SCLT1: variants seen among roughly 807,000 people sequenced by gnomAD.
The protein encoded by SCLT1 is sodium channel and clathrin linker 1.
Under a neutral mutation model 112.8 loss-of-function variants are expected in SCLT1, and 78 were observed. The ratio of observed to expected loss-of-function variants is 0.69; its 90% CI spans 0.58 to 0.83. The LOEUF (loss-of-function observed/expected upper bound fraction) is 0.83, where lower values mean the gene tolerates loss of function less well. SCLT1 is among the 40% of genes least tolerant of loss of function. The pLI, the probability that SCLT1 is intolerant of heterozygous loss-of-function variation, is 0.00. For synonymous variants in SCLT1, 257 were observed against 254.7 expected (o/e 1.01, Z -0.09); for missense variants, 747 against 770.4 (o/e 0.97, Z 0.36).
chr4:128,922,209 CT>C (rs1735939059), intron 18 of SCLT1, among the ~76,000 whole-genome samples: 1 of 152,190 alleles, frequency 6.6e-6, no homozygotes, highest in Admixed American at 6.5e-5. Context: ...AAAATGGAAA[CT>C]AGTTCAGCCA....
At chr4:128,948,413 G>C in intron 15 of SCLT1, 83 bp downstream of exon 15, 1 of 1,469,822 alleles carries the variant, frequency 6.8e-7, no homozygotes, top group Non-Finnish European at 9.0e-7. Context: ...GGAATTGCTA[G>C]TAGATGGCAT....
chr4:129,081,476 C>A (rs1751932040), intron 2 of SCLT1, among the ~76,000 whole-genome samples: 1 of 152,164 alleles, frequency 6.6e-6, no homozygotes, highest in Non-Finnish European at 1.5e-5. Context: ...GGAAGCATGG[C>A]TTGGGAAGCC....
At chr4:128,966,153 T>A (rs1019515026) in intron 10 of SCLT1, among the ~76,000 whole-genome samples, 1 of 141,122 alleles carries the variant, frequency 7.1e-6, no homozygotes, top group African/African-American at 2.6e-5. Context: ...TTTTTTTTTT[T>A]AGAGTCTTGT....
At chr4:128,928,730 G>A (rs1253273102) in intron 18 of SCLT1, among the ~76,000 whole-genome samples, 10 of 152,072 alleles carry the variant, frequency 6.6e-5, no homozygotes, top group African/African-American at 2.2e-4. Flanking sequence ...TACTTGGGAG[G>A]CTGAGGCAGG....
At chr4:129,017,508 C>G (rs1745095126) in intron 5 of SCLT1, among the ~76,000 whole-genome samples, 1 of 151,656 alleles carries the variant, frequency 6.6e-6, no homozygotes, top group African/African-American at 2.4e-5. Context: ...CAGTTAAGTA[C>G]CCTAAAGGTT....
chr4:129,033,965 G>A (rs189485488), intron 5 of SCLT1, among the ~76,000 whole-genome samples: 19 of 152,232 alleles, frequency 1.2e-4, no homozygotes, highest in South Asian at 4.1e-4. Flanking sequence ...GGATTCTGGC[G>A]GGCTTTGGGG....
rs141954992 is a variant in SCLT1, at chr4:128,920,673, A to C, written c.1829+15982T>G. On this transcript the variant is annotated intron_variant, in intron 18 of 20. Coordinates refer to ENST00000281142, the MANE Select transcript of SCLT1 (RefSeq NM_144643.4). ...TGAATGAACATATCTCAAAATGATA[A>C]AAGCCATATATGATAGACCCACAGA... Among the ~76,000 whole-genome samples the C allele has an allele frequency of 2.3e-3, 344 of 152,322 alleles. 8 individuals carry two copies. In the East Asian group the frequency reaches 0.055, roughly 25 times the overall value.
intron 18 of SCLT1, among the ~76,000 whole-genome samples, chr4:128,905,523 A>G (rs950698719): frequency 1.9e-4 from 1 of 5,136 alleles, no homozygotes. Context: ...TGCACTTTAG[A>G]CTTTTTTTTA....
At chr4:128,976,432 T>C (rs113737733) in intron 9 of SCLT1, among the ~76,000 whole-genome samples, 7 of 152,342 alleles carry the variant, frequency 4.6e-5, no homozygotes, top group African/African-American at 1.4e-4. Flanking sequence ...TAATTCATAA[T>C]CTATTATTGA....
In SCLT1 at chr4:129,040,099, T is replaced by C. The variant is rs1057355863; in HGVS notation, c.235-1003A>G. On this transcript the variant is annotated intron_variant, in intron 4 of 20. Coordinates refer to ENST00000281142, the MANE Select transcript of SCLT1 (RefSeq NM_144643.4). ...GGAACAGGCAGTTCTGCCAGCCTTTTTCTCTCTCTTTCAACCGAGAAGATC... is the reference window on the plus strand; with the variant it reads ...GGAACAGGCAGTTCTGCCAGCCTTTCTCTCTCTCTTTCAACCGAGAAGATC... 1.0e-5 allele frequency: 7 copies of C among 684,774 alleles called. No homozygotes were observed. In the African/African-American group the frequency reaches 1.2e-4, roughly 12 times the overall value. The allele number at this position is 684,774 out of a possible 1,614,324, so 42.4% of individuals were successfully genotyped here.
At chr4:128,906,218 AAC>A (rs1178461473) in intron 18 of SCLT1, among the ~76,000 whole-genome samples, 1 of 151,936 alleles carries the variant, frequency 6.6e-6, no homozygotes, top group African/African-American at 2.4e-5. Context: ...TTTTTTTTGA[AAC>A]AGAGTCTCGC....
chr4:128,897,478 G>C (rs1249190101), intron 18 of SCLT1, among the ~76,000 whole-genome samples: 1 of 102,644 alleles, frequency 9.7e-6, no homozygotes, highest in African/African-American at 4.2e-5. Context: ...AATGCTGAGA[G>C]ATTTTGTCAC....
At chr4:129,009,929 G>C (rs989015429) in intron 5 of SCLT1, among the ~76,000 whole-genome samples, 1 of 152,126 alleles carries the variant, frequency 6.6e-6, no homozygotes, top group Non-Finnish European at 1.5e-5. Flanking sequence ...TTCTTTTGCT[G>C]TGCAGGAGCT....
At chr4:128,913,326 A>G (rs1323352781) in intron 18 of SCLT1, among the ~76,000 whole-genome samples, 1 of 152,236 alleles carries the variant, frequency 6.6e-6, no homozygotes, top group East Asian at 1.9e-4. Context: ...ATGGGAAAAT[A>G]TAACTGCAGT....
In SCLT1 at chr4:128,888,769, T is replaced by G; in HGVS notation, c.1914A>C (p.Glu638Asp). The G allele has an allele frequency of 6.3e-7, 1 of 1,593,634 alleles. No homozygotes were observed. The highest frequency in any genetic ancestry group is 8.6e-7 in the Non-Finnish European group (1 of 1,161,976). Residue 638 changes from glutamate (E) to aspartate (D), a missense_variant, in exon 20 of 21, where the codon GAA becomes GAC. Transcript: ENST00000281142. The part of the protein sequence containing the change: ...EMANEKVAEN[E>D]KLILEHQEKA... ...TTTCTTGATGCTCTAGAATTAGCTT[T>G]TCATTCTATTAAGGGGAAATAGAAA...
chr4:128,880,235 C>A (rs963103910), downstream of SCLT1, among the ~76,000 whole-genome samples: 1 of 152,158 alleles, frequency 6.6e-6, no homozygotes, highest in Admixed American at 6.5e-5. Context: ...CTGACATGTG[C>A]TGATCAGTTT....
intron 5 of SCLT1, among the ~76,000 whole-genome samples, chr4:129,034,602 ATATCT>A (rs1747022320): frequency 6.6e-6 from 1 of 151,454 alleles, no homozygotes. Flanking sequence ...GCCTAAATAA[ATATCT>A]TAAGATAGTT....
At chr4:129,043,269 C>T in intron 4 of SCLT1, 126 bp downstream of exon 4, 1 of 640,044 alleles carries the variant, frequency 1.6e-6, no homozygotes, top group South Asian at 1.8e-5. Context: ...TACATAGGGC[C>T]ACCAATTGGT....
chr4:128,905,795 C>T (rs1734645143), intron 18 of SCLT1, among the ~76,000 whole-genome samples: 1 of 123,784 alleles, frequency 8.1e-6, no homozygotes, highest in Non-Finnish European at 1.6e-5. Context: ...GTTTAAATGT[C>T]ACCTTTTTAG....
Sources: allele counts gnomAD v4.1 joint callset (sites outside exome capture counted in the v4.1 genomes callset), GRCh38; gene constraint gnomAD v4.1.1; transcripts MANE v1.5; gene names NCBI Gene and HGNC (gene_info 2026-07-23, HGNC 2026-07-21).